Variants in ADAM18 observed in about 807,000 individuals in gnomAD.
The protein encoded by ADAM18 is disintegrin and metalloproteinase domain-containing protein 18.
In ADAM18, 117 loss-of-function variants were observed where a neutral mutation model predicts 94.4. The ratio of observed to expected loss-of-function variants is 1.24; its 90% confidence interval spans 1.07 to 1.45. ADAM18 has a LOEUF of 1.45. Among genes scored for constraint, ADAM18 ranks in the 40% most tolerant of loss-of-function variants. The pLI is 0.00. For missense variants in ADAM18, 936 were observed against 880.0 expected (o/e 1.06, Z -0.81); for synonymous variants, 327 against 291.6 (o/e 1.12, Z -1.24).
At chr8:39,636,209 A>T (rs1462006019) in intron 7 of ADAM18, among the ~76,000 whole-genome samples, 1 of 151,944 alleles carries the variant, frequency 6.6e-6, no homozygotes, top group Non-Finnish European at 1.5e-5. Flanking sequence ...TTTTAAAGAG[A>T]TGAAGTCTCA....
At chr8:39,664,635 G>A (rs9643869) in intron 13 of ADAM18, among the ~76,000 whole-genome samples, 19,459 of 152,086 alleles carry the variant, frequency 0.13, 1,796 homozygotes, top group African/African-American at 0.25. Flanking sequence ...AAAAATTGTA[G>A]CATGAATAGC....
At chr8:39,608,660 C>A (rs1025167271) in intron 3 of ADAM18, among the ~76,000 whole-genome samples, 1 of 152,054 alleles carries the variant, frequency 6.6e-6, no homozygotes, top group South Asian at 2.1e-4. Flanking sequence ...CTATTGTCAT[C>A]TAATTGCTAG....
chr8:39,597,118 A>G (rs1818766421), intron 2 of ADAM18, among the ~76,000 whole-genome samples: 1 of 152,112 alleles, frequency 6.6e-6, no homozygotes, highest in Non-Finnish European at 1.5e-5. Context: ...GTCTCTTTTT[A>G]AAGTCTGACT....
chr8:39,708,615 C>A (rs1822306240), intron 18 of ADAM18, among the ~76,000 whole-genome samples: 1 of 152,220 alleles, frequency 6.6e-6, no homozygotes, highest in Non-Finnish European at 1.5e-5. Context: ...TTCCCTGACC[C>A]CTTCTTGGGA....
intron 2 of ADAM18, among the ~76,000 whole-genome samples, chr8:39,597,259 A>AG (rs1818770262): frequency 6.6e-6 from 1 of 152,124 alleles, no homozygotes; most frequent in Admixed American, 6.6e-5. Flanking sequence ...TCTTTCACAG[A>AG]GAAGAAATTT....
In ADAM18 at chr8:39,645,481, T is replaced by G. The variant is rs776005811; in HGVS notation, c.1046+7T>G. ...TCATGAATCATGAAGCAGTGTAAGA[T>G]GTTTTCTTAATTAATTTCATTTATA... On this transcript the variant is annotated splice_region_variant and intron_variant, in intron 11 of 19. Transcript: ENST00000265707. 5 of 1,596,058 alleles carry G rather than the reference T, an allele frequency of 3.1e-6. No homozygotes were observed. Among genetic ancestry groups the G allele is most frequent in the Non-Finnish European group, 4.3e-6 (5 of 1,175,034 alleles).
At chr8:39,638,613 A>C (rs1463212136) in intron 10 of ADAM18, 67 bp downstream of exon 10, 12 of 961,044 alleles carry the variant, frequency 1.2e-5, no homozygotes, top group Non-Finnish European at 1.5e-5. Flanking sequence ...GTAAGTATTA[A>C]TTTAAGTAGT....
chr8:39,712,757 G>A (rs1209424293), intron 18 of ADAM18, among the ~76,000 whole-genome samples: 1 of 152,050 alleles, frequency 6.6e-6, no homozygotes, highest in Non-Finnish European at 1.5e-5. Context: ...TCTGCAAGAA[G>A]AACTACAAAC....
chr8:39,685,502 G>A (rs912364252), intron 16 of ADAM18: 13 of 152,248 alleles, frequency 8.5e-5, no homozygotes, highest in Admixed American at 5.9e-4. Context: ...TGTAATGGGA[G>A]TGGCAGCACT....
At chr8:39,656,940 T>C (rs1820701850) in intron 12 of ADAM18, among the ~76,000 whole-genome samples, 1 of 152,226 alleles carries the variant, frequency 6.6e-6, no homozygotes, top group Non-Finnish European at 1.5e-5. Context: ...CTGTTGGTAG[T>C]GAAAATTGGC....
chr8:39,590,328 C>G (rs1325573027), intron 2 of ADAM18, among the ~76,000 whole-genome samples: 1 of 151,960 alleles, frequency 6.6e-6, no homozygotes. Flanking sequence ...AGTAAACTAT[C>G]GCAAGAACAA....
chr8:39,639,341 G>A (rs948488341), intron 10 of ADAM18, among the ~76,000 whole-genome samples: 1 of 151,950 alleles, frequency 6.6e-6, no homozygotes, highest in African/African-American at 2.4e-5. Context: ...TGAAGTTTAT[G>A]TAAGCAGAAC....
chr8:39,629,263 G>A, intron 6 of ADAM18, 111 bp from the exon 7 acceptor site: 1 of 706,804 alleles, frequency 1.4e-6, no homozygotes, highest in Non-Finnish European at 2.3e-6. Context: ...TTATACTTAA[G>A]TCCTCATGAA....
intron 6 of ADAM18, among the ~76,000 whole-genome samples, chr8:39,615,680 C>G (rs866063982): frequency 2.6e-5 from 4 of 152,104 alleles, no homozygotes; most frequent in African/African-American, 9.7e-5. Context: ...CTCACCACTC[C>G]CATTCAACAT....
At chr8:39,682,440 G>A (rs1249236629) in intron 16 of ADAM18, among the ~76,000 whole-genome samples, 1 of 152,102 alleles carries the variant, frequency 6.6e-6, no homozygotes, top group Non-Finnish European at 1.5e-5. Flanking sequence ...TGAGATAATT[G>A]CTCAAAGTCA....
chr8:39,585,459 A>T, intron 2 of ADAM18, 107 bp downstream of exon 2: 2 of 805,332 alleles, frequency 2.5e-6, no homozygotes, highest in Non-Finnish European at 3.9e-6. Flanking sequence ...CCAAATCATA[A>T]TATTTTGCCT....
intron 18 of ADAM18, among the ~76,000 whole-genome samples, chr8:39,709,087 T>C (rs1721233781): frequency 1.3e-5 from 2 of 152,188 alleles, no homozygotes; most frequent in South Asian, 4.1e-4. Flanking sequence ...TCCGCACTCA[T>C]GGCTCCCGAG....
At chr8:39,620,559 A>AATAATTTATATATTATATATGTAATAT (rs1166569282) in intron 6 of ADAM18, among the ~76,000 whole-genome samples, 25 of 147,460 alleles carry the variant, frequency 1.7e-4, no homozygotes, top group Middle Eastern at 3.6e-3. Context: ...TTAAAAATAT[A>AATAATTTATATATTATATATGTAATAT]ATAATTTATA....
At chr8:39,667,932 C>A in intron 13 of ADAM18, 66 bp from the exon 14 acceptor site, 10 of 1,469,858 alleles carry the variant, frequency 6.8e-6, no homozygotes, top group Non-Finnish European at 9.5e-6. Context: ...TGTGATAAAT[C>A]TTTTCACTAA....
Sources: gnomAD v4.1 joint callset for allele counts (sites outside exome capture counted in the v4.1 genomes callset) on GRCh38, gnomAD v4.1.1 for gene constraint, MANE v1.5 for transcripts, NCBI Gene and HGNC (gene_info 2026-07-23, HGNC 2026-07-21) for gene names.